EMC3: variants seen among roughly 807,000 people sequenced by gnomAD.
EMC3 encodes the protein ER membrane protein complex subunit 3.
A neutral mutation model predicts 36.6 loss-of-function variants in EMC3; 13 were observed. The observed-to-expected ratio is 0.35, with a 90% CI of 0.23 to 0.56. EMC3 has a LOEUF of 0.56. EMC3 is among the 20% of genes least tolerant of loss of function. The pLI, the probability that EMC3 is intolerant of heterozygous loss-of-function variation, is 0.84. For missense variants in EMC3, 220 were observed against 324.5 expected, an observed-to-expected ratio of 0.68 and a Z score of 2.47; for synonymous variants, 120 against 111.9, an observed-to-expected ratio of 1.07 and a Z score of -0.46.
At chr3:10,009,764 C>G (rs1002461027) in intron 1 of EMC3, 2 of 152,302 alleles carry the variant, frequency 1.3e-5, no homozygotes, top group African/African-American at 4.8e-5. Flanking sequence ...GCCCACGCCC[C>G]CTGTCTGGCT....
Position 9,974,375 on chromosome 3 carries a change from G to T in EMC3, c.412+9C>A. 1 of 1,596,030 alleles carries T rather than the reference G, an allele frequency of 6.3e-7. No individual in the cohort carries two copies. Among genetic ancestry groups the T allele is most frequent in the Non-Finnish European group, 8.6e-7 (1 of 1,163,482 alleles). On this transcript the variant is annotated intron_variant, in intron 4 of 7. Transcript: ENST00000245046. ...GGGTAACATGAAGTCGGCTGGGTCT[G>T]TAACTTACTTGTGACAAAGCCTGAG...
Position 9,970,603 on chromosome 3 carries a change from G to C in EMC3, c.553C>G (p.Leu185Val), listed in dbSNP as rs2085775146. The C allele has an allele frequency of 1.2e-6, 2 of 1,614,166 alleles. No homozygotes were observed. The highest frequency in any genetic ancestry group is 1.7e-6 in the Non-Finnish European group (2 of 1,180,028). ...TTACCATTATCTTGGCCCAGAATCA[G>C]AGAGTAAATGCTCCGAAGCCCAAAT... The part of the protein sequence containing the change: ...NVFGLRSIYS[L>V]ILGQDNAADQ... Residue 185 changes from leucine (L) to valine (V), a missense_variant, in exon 6 of 8, where the codon CTG becomes GTG. By Grantham distance (32) the Leu-to-Val change is conservative. Coordinates refer to ENST00000245046, the MANE Select transcript of EMC3 (RefSeq NM_001394674.1).
chr3:9,973,619 A>C lies in EMC3; in HGVS notation c.494+9T>G. On this transcript the variant is annotated intron_variant, in intron 5 of 7. Transcript: ENST00000245046. ...TTTGTGTTTTTATTAAACAAAAGAA[A>C]GTTCTTACCAGGATGCATCTAATGT... The C allele has an allele frequency of 6.2e-7, 1 of 1,612,996 alleles. No individual in the cohort carries two copies. The highest frequency in any genetic ancestry group is 1.1e-5 in the South Asian group (1 of 91,046).
chr3:9,977,968 A>C (rs1436057011), intron 1 of EMC3, among the ~76,000 whole-genome samples: 1 of 151,952 alleles, frequency 6.6e-6, no homozygotes, highest in Admixed American at 6.6e-5. Context: ...AAATAAATGA[A>C]ATTACTAGGT....
intron 1 of EMC3, among the ~76,000 whole-genome samples, chr3:9,985,719 C>A (rs539512863): frequency 1.3e-4 from 20 of 152,056 alleles, no homozygotes; most frequent in Non-Finnish European, 2.6e-4. Flanking sequence ...GATGGTGAAA[C>A]CCTGTCTCTA....
At chr3:9,968,260 T>C (rs1054169335) in intron 7 of EMC3, among the ~76,000 whole-genome samples, 2 of 152,234 alleles carry the variant, frequency 1.3e-5, no homozygotes, top group Non-Finnish European at 2.9e-5. Context: ...AAATATTTTA[T>C]TCGTTTTGAT....
intron 1 of EMC3, among the ~76,000 whole-genome samples, chr3:9,985,327 C>G (rs1490303131): frequency 6.6e-6 from 1 of 152,222 alleles, no homozygotes; most frequent in Non-Finnish European, 1.5e-5. Flanking sequence ...CTGAGGCTTA[C>G]TCTCTTTATT....
chr3:10,001,241 T>A (rs1192540781), intron 1 of EMC3, among the ~76,000 whole-genome samples: 2 of 152,052 alleles, frequency 1.3e-5, no homozygotes, highest in Non-Finnish European at 2.9e-5. Flanking sequence ...CTTTCACCAC[T>A]GAAATTATTT....
chr3:9,967,695 G>A (rs1393915078), intron 7 of EMC3, among the ~76,000 whole-genome samples: 1 of 152,112 alleles, frequency 6.6e-6, no homozygotes, highest in Non-Finnish European at 1.5e-5. Context: ...TGATTCCCTT[G>A]AATTTCCACA....
chr3:10,002,289 T>TTATGTTATGTTATGTTATGTTATG (rs1559359506), intron 1 of EMC3, among the ~76,000 whole-genome samples: 15 of 150,418 alleles, frequency 1.0e-4, no homozygotes, highest in African/African-American at 3.7e-4. Context: ...TTTATTTTAT[T>TTATGTTATGTTATGTTATGTTATG]TTATTTTATT....
intron 1 of EMC3, among the ~76,000 whole-genome samples, chr3:9,998,953 T>G (rs970176667): frequency 2.0e-5 from 3 of 152,142 alleles, no homozygotes; most frequent in African/African-American, 7.2e-5. Context: ...ACATAAGGTT[T>G]CGTCATGTTA....
upstream of EMC3, chr3:9,986,955 C>A: frequency 8.6e-7 from 1 of 1,169,502 alleles, no homozygotes; most frequent in African/African-American, 1.6e-5. Context: ...GTGGCTCACT[C>A]CTGGAATCCC....
chr3:9,964,329 C>A, intron 7 of EMC3, 132 bp from the exon 8 acceptor site: 1 of 1,402,260 alleles, frequency 7.1e-7, no homozygotes, highest in Non-Finnish European at 9.4e-7. Flanking sequence ...TCATTCAATC[C>A]TACAAGGGAA....
chr3:10,002,868 A>C (rs1352954188), intron 1 of EMC3: 2 of 455,890 alleles, frequency 4.4e-6, no homozygotes, highest in Admixed American at 2.4e-5. Flanking sequence ...CCCTGGCTCA[A>C]CAAGGCCCCC....
intron 1 of EMC3, among the ~76,000 whole-genome samples, chr3:9,992,389 G>A (rs1454265266): frequency 6.6e-6 from 1 of 152,126 alleles, no homozygotes; most frequent in Non-Finnish European, 1.5e-5. Context: ...GCCTCCCAAA[G>A]TACTGGGATT....
At chr3:9,991,042 A>C (rs955102283), upstream of EMC3, among the ~76,000 whole-genome samples, 88 of 150,686 alleles carry the variant, frequency 5.8e-4, no homozygotes, top group Non-Finnish European at 9.7e-4. Flanking sequence ...GTTAGCCAGG[A>C]TGGTCTCGAT....
At chr3:9,974,800 C>T (rs540554310) in intron 3 of EMC3, among the ~76,000 whole-genome samples, 2 of 151,164 alleles carry the variant, frequency 1.3e-5, no homozygotes, top group African/African-American at 2.4e-5. Flanking sequence ...ACTCGTGATC[C>T]GCCTGCTTCG....
chr3:10,004,347 C>G (rs1422582087), intron 1 of EMC3: 1 of 152,200 alleles, frequency 6.6e-6, no homozygotes, highest in East Asian at 1.9e-4. Flanking sequence ...CCCAAAACAA[C>G]CCAGCTTTTG....
At chr3:10,008,296 C>T (rs2086286406) in intron 1 of EMC3, 1 of 812,946 alleles carries the variant, frequency 1.2e-6, no homozygotes, top group Non-Finnish European at 1.8e-6. Flanking sequence ...CTTCAGAAGC[C>T]AGGGCTTCCA....
Sources: allele counts gnomAD v4.1 joint callset (sites outside exome capture counted in the v4.1 genomes callset), GRCh38; gene constraint gnomAD v4.1.1; transcripts MANE v1.5; gene names NCBI Gene and HGNC (gene_info 2026-07-23, HGNC 2026-07-21).